Variants in MEF2A observed in about 807,000 individuals in gnomAD.
The protein encoded by MEF2A is myocyte-specific enhancer factor 2A.
MEF2A carries 28 observed loss-of-function variants against 55.8 expected under a neutral mutation model. The observed-to-expected ratio is 0.50, with a 90% confidence interval of 0.37 to 0.69. The LOEUF (loss-of-function observed/expected upper bound fraction) is 0.69. Ranked by LOEUF, MEF2A falls within the 30% of genes least tolerant of loss-of-function variation. MEF2A has a pLI of 0.00. For missense variants in MEF2A, 528 were observed against 626.2 expected (o/e 0.84, Z 1.67); for synonymous variants, 239 against 227.1 (o/e 1.05, Z -0.47).
At chr15:99,571,118 A>G (rs1000900509) in intron 1 of MEF2A, among the ~76,000 whole-genome samples, 4 of 150,456 alleles carry the variant, frequency 2.7e-5, no homozygotes, top group Admixed American at 6.7e-5. Context: ...CAGGAGGCAG[A>G]GGTTGCAGTG....
At chr15:99,605,220 T>G (rs943152141) in intron 2 of MEF2A, among the ~76,000 whole-genome samples, 7 of 152,218 alleles carry the variant, frequency 4.6e-5, no homozygotes, top group Admixed American at 3.9e-4. Flanking sequence ...AGTGCTGGAA[T>G]TATAGGTGTG....
At chr15:99,693,969 T>G (rs2055982265) in intron 8 of MEF2A, among the ~76,000 whole-genome samples, 1 of 152,216 alleles carries the variant, frequency 6.6e-6, no homozygotes, top group Non-Finnish European at 1.5e-5. Flanking sequence ...ATTAGTATGG[T>G]GTATTTGTCA....
At chr15:99,572,141 A>G (rs1472167347) in intron 1 of MEF2A, among the ~76,000 whole-genome samples, 1 of 151,656 alleles carries the variant, frequency 6.6e-6, no homozygotes, top group Non-Finnish European at 1.5e-5. Context: ...CAAGTCCTCC[A>G]TTCTGTGGCC....
intron 2 of MEF2A, among the ~76,000 whole-genome samples, chr15:99,613,791 T>G (rs1295907878): frequency 2.0e-5 from 3 of 152,198 alleles, no homozygotes; most frequent in African/African-American, 7.2e-5. Context: ...ATAAATTGCC[T>G]TTTAACGGGG....
chr15:99,708,061 C>T (rs2058235917), intron 10 of MEF2A, among the ~76,000 whole-genome samples: 1 of 152,166 alleles, frequency 6.6e-6, no homozygotes, highest in African/African-American at 2.4e-5. Flanking sequence ...GTTATTAGTG[C>T]CTTGCACAGA....
intron 2 of MEF2A, among the ~76,000 whole-genome samples, chr15:99,602,653 G>GGTGGGTGGGTGTGT (rs1555454714): frequency 6.7e-5 from 3 of 44,870 alleles, no homozygotes; most frequent in South Asian, 2.5e-3. Flanking sequence ...ACATTCCTGG[G>GGTGGGTGGGTGTGT]GTGTGTGTGT....
At position 99,715,960 on chromosome 15, in the gene MEF2A, T is replaced by C. The variant is rs2059114717; in HGVS notation, c.*3189T>C. The C allele has an allele frequency of 6.5e-6, 1 of 153,336 alleles. No homozygotes were observed. The allele number at this position is 153,336 out of a possible 1,614,324, so 9.5% of individuals were successfully genotyped here. A position where few individuals can be genotyped will look rare whatever the true frequency, so the allele number is the denominator to read the frequency against. Reference sequence around the variant, plus strand: ...TACATGTTTTACCCTTTCCTTTAACTAGAAGGATAACTAGTAATGCATCAA... The same window carrying C: ...TACATGTTTTACCCTTTCCTTTAACCAGAAGGATAACTAGTAATGCATCAA... On this transcript the variant is annotated 3_prime_UTR_variant, in exon 12 of 12. Transcript: ENST00000557942.
intron 8 of MEF2A, among the ~76,000 whole-genome samples, chr15:99,700,519 C>A (rs4965535): frequency 0.83 from 125,774 of 151,690 alleles, 54,824 homozygotes; most frequent in South Asian, 0.96. Flanking sequence ...CACACACACA[C>A]AAAAAAGGTA....
At chr15:99,649,200 A>G (rs1258647447) in intron 4 of MEF2A, among the ~76,000 whole-genome samples, 1 of 152,168 alleles carries the variant, frequency 6.6e-6, no homozygotes, top group East Asian at 1.9e-4. Flanking sequence ...TTTTAAATTA[A>G]GGTCTGCAGT....
In MEF2A at chr15:99,714,799, T is replaced by TCCCCCCCC. The variant is rs58267790; in HGVS notation, c.*2032_*2039dup. ...CCTACAATTTCTATGTACATTTTGT[T>TCCCCCCCC]CCCCCCCCCCCACCCCCCCCCCAAA... On this transcript the variant is annotated 3_prime_UTR_variant, in exon 12 of 12. Transcript: ENST00000557942. The TCCCCCCCC allele has an allele frequency of 4.2e-4, 14 of 33,130 alleles. No individual in the cohort carries two copies. Among genetic ancestry groups the TCCCCCCCC allele is most frequent in the South Asian group, 9.2e-4 (1 of 1,084 alleles). The allele number at this position is 33,130 out of a possible 1,614,324, so 2.1% of individuals were successfully genotyped here. A position where few individuals can be genotyped will look rare whatever the true frequency, so the allele number is the denominator to read the frequency against.
chr15:99,599,232 T>C (rs1277954557), intron 2 of MEF2A, among the ~76,000 whole-genome samples: 1 of 152,156 alleles, frequency 6.6e-6, no homozygotes, highest in Non-Finnish European at 1.5e-5. Flanking sequence ...AAGTGAATTA[T>C]ATTAATGCTA....
Position 99,713,198 on chromosome 15 carries a change from T to A in MEF2A, c.*427T>A, listed in dbSNP as rs541177469. 2.5e-6 allele frequency: 1 copy of A among 406,102 alleles called. No homozygotes were observed. Among genetic ancestry groups the A allele is most frequent in the African/African-American group, 2.0e-5 (1 of 48,904 alleles). 25.2% of individuals were successfully genotyped at this position (406,102 alleles called of 1,614,324 possible). ...TGTAGTTACTTAAGAGAAAATGCTT[T>A]GTAGAACAGAGCAGTAGAAAAGCAG... On this transcript the variant is annotated 3_prime_UTR_variant, in exon 12 of 12. Transcript: ENST00000557942.
chr15:99,584,895 G>A (rs918630585), intron 1 of MEF2A, among the ~76,000 whole-genome samples: 14 of 152,066 alleles, frequency 9.2e-5, no homozygotes, highest in African/African-American at 2.9e-4. Flanking sequence ...AGAAAAGAAC[G>A]GAAGCTGTTT....
intron 8 of MEF2A, among the ~76,000 whole-genome samples, chr15:99,698,511 G>A (rs781119876): frequency 2.0e-5 from 3 of 152,046 alleles, no homozygotes; most frequent in Non-Finnish European, 4.4e-5. Flanking sequence ...AAAACGCAAC[G>A]GCTGGGCGCG....
At chr15:99,566,387 T>A (rs1217986284) in intron 1 of MEF2A, 1 of 86,890 alleles carries the variant, frequency 1.2e-5, no homozygotes, top group Non-Finnish European at 2.2e-5. Context: ...GGGTCGGCGC[T>A]GAGGAGCTAG....
chr15:99,663,958 C>A (rs564056400), intron 4 of MEF2A, among the ~76,000 whole-genome samples: 1 of 152,000 alleles, frequency 6.6e-6, no homozygotes, highest in African/African-American at 2.4e-5. Context: ...GTAAATGTTT[C>A]CTTGAATTTG....
At chr15:99,627,414 T>A (rs2042213902) in intron 2 of MEF2A, among the ~76,000 whole-genome samples, 2 of 111,076 alleles carry the variant, frequency 1.8e-5, no homozygotes, top group South Asian at 3.2e-4. Flanking sequence ...AGTGAGACTT[T>A]ATCTCAAAAA....
chr15:99,646,759 T>A (rs575174326), intron 4 of MEF2A, among the ~76,000 whole-genome samples: 15 of 152,242 alleles, frequency 9.9e-5, no homozygotes, highest in South Asian at 2.1e-4. Context: ...GAAAATGCAT[T>A]TTAAATTTCC....
intron 7 of MEF2A, among the ~76,000 whole-genome samples, chr15:99,688,626 G>A (rs1337727906): frequency 1.3e-5 from 2 of 152,024 alleles, no homozygotes; most frequent in African/African-American, 2.4e-5. Context: ...GCGTGGTGGC[G>A]GGCGCCTGTA....
Sources: allele counts gnomAD v4.1 joint callset (sites outside exome capture counted in the v4.1 genomes callset), GRCh38; gene constraint gnomAD v4.1.1; transcripts MANE v1.5; gene names NCBI Gene and HGNC (gene_info 2026-07-23, HGNC 2026-07-21).